The following KLF12 variants were observed in gnomAD, a reference collection of about 807,000 sequenced individuals.
KLF12 encodes Krueppel-like factor 12.
KLF12 carries 9 observed loss-of-function variants against 37.8 expected under a neutral mutation model. The ratio of observed to expected loss-of-function variants is 0.24; its 90% CI spans 0.14 to 0.42. The LOEUF (loss-of-function observed/expected upper bound fraction) is 0.42. Among genes scored for constraint, KLF12 ranks in the 10% least tolerant of loss-of-function variants. The pLI is 1.00. For missense variants in KLF12, 411 were observed against 516.0 expected, an observed-to-expected ratio of 0.80 and a Z score of 1.97; for synonymous variants, 208 against 202.1, an observed-to-expected ratio of 1.03 and a Z score of -0.25.
chr13:74,253,611 T>C, the KLF12 span, among the ~76,000 whole-genome samples: 1 of 152,332 alleles, frequency 6.6e-6, no homozygotes, highest in East Asian at 1.9e-4. Flanking sequence ...TCCTACTCAT[T>C]TTTCAAAGAG....
At chr13:74,287,468 A>G in the KLF12 span, among the ~76,000 whole-genome samples, 1 of 151,674 alleles carries the variant, frequency 6.6e-6, no homozygotes, top group Non-Finnish European at 1.5e-5. Flanking sequence ...CTCGGAGGTG[A>G]AAGATGCTAC....
chr13:74,034,549 A>G (rs760929685), intron 1 of KLF12, among the ~76,000 whole-genome samples: 2 of 152,232 alleles, frequency 1.3e-5, no homozygotes, highest in Non-Finnish European at 2.9e-5. Context: ...CTTTTATTAT[A>G]AAAGTGTTTG....
intron 3 of KLF12, among the ~76,000 whole-genome samples, chr13:73,937,150 A>G (rs1275222067): frequency 6.6e-6 from 1 of 151,982 alleles, no homozygotes; most frequent in Non-Finnish European, 1.5e-5. Flanking sequence ...AGATCGTGCC[A>G]CTGTACTCCA....
intron 3 of KLF12, among the ~76,000 whole-genome samples, chr13:73,854,750 T>A (rs1423720557): frequency 6.6e-6 from 1 of 152,188 alleles, no homozygotes; most frequent in African/African-American, 2.4e-5. Flanking sequence ...TATCTCCACA[T>A]CACTTATAAC....
At chr13:74,000,236 G>A (rs561197070) in intron 1 of KLF12, among the ~76,000 whole-genome samples, 6 of 152,170 alleles carry the variant, frequency 3.9e-5, no homozygotes, top group Non-Finnish European at 7.4e-5. Flanking sequence ...AGCTATGTCC[G>A]AAACCTGATA....
intron 3 of KLF12, among the ~76,000 whole-genome samples, chr13:73,874,050 G>A (rs980952314): frequency 6.6e-6 from 1 of 152,190 alleles, no homozygotes; most frequent in Non-Finnish European, 1.5e-5. Flanking sequence ...GCAAGGTCGA[G>A]GACTGTTCAC....
intron 1 of KLF12, among the ~76,000 whole-genome samples, chr13:74,046,865 T>C (rs1222722028): frequency 6.6e-6 from 1 of 152,218 alleles, no homozygotes. Flanking sequence ...TACTATACCA[T>C]ATAAGACTTA....
At chr13:74,088,671 T>C (rs974629734) in intron 1 of KLF12, among the ~76,000 whole-genome samples, 1 of 152,174 alleles carries the variant, frequency 6.6e-6, no homozygotes, top group Non-Finnish European at 1.5e-5. Flanking sequence ...TTCTGAACAT[T>C]TGGGTTACTA....
chr13:73,708,008 T>G (rs1875081469), intron 7 of KLF12, among the ~76,000 whole-genome samples: 1 of 152,188 alleles, frequency 6.6e-6, no homozygotes, highest in South Asian at 2.1e-4. Context: ...AATAAACATG[T>G]AATAGTATTT....
intron 6 of KLF12, among the ~76,000 whole-genome samples, chr13:73,755,995 C>T (rs1478580551): frequency 1.3e-5 from 2 of 152,094 alleles, no homozygotes; most frequent in Admixed American, 1.3e-4. Flanking sequence ...TCTTTATCCG[C>T]TTGTTGACTG....
chr13:74,143,131 C>T, the KLF12 span, among the ~76,000 whole-genome samples: 5 of 151,000 alleles, frequency 3.3e-5, no homozygotes, highest in South Asian at 2.1e-4. Context: ...TCCTCCTCCT[C>T]GTCCTATTCC....
chr13:74,014,483 T>A (rs1374844578), intron 1 of KLF12, among the ~76,000 whole-genome samples: 1 of 152,190 alleles, frequency 6.6e-6, no homozygotes, highest in African/African-American at 2.4e-5. Context: ...ACTCAAATAT[T>A]GAACATGCGT....
the KLF12 span, among the ~76,000 whole-genome samples, chr13:74,293,726 G>A: frequency 6.6e-6 from 1 of 152,130 alleles, no homozygotes; most frequent in East Asian, 1.9e-4. Context: ...TTATAGCTTG[G>A]ATTTTGGCAG....
At chr13:74,086,899 T>C (rs532830839) in intron 1 of KLF12, among the ~76,000 whole-genome samples, 2 of 152,202 alleles carry the variant, frequency 1.3e-5, no homozygotes, top group African/African-American at 4.8e-5. Flanking sequence ...AAAGAAAATA[T>C]ATGTACTCTT....
At chr13:74,089,537 T>C (rs934067818) in intron 1 of KLF12, among the ~76,000 whole-genome samples, 13 of 152,108 alleles carry the variant, frequency 8.5e-5, no homozygotes, top group African/African-American at 3.1e-4. Flanking sequence ...ATTATATGGA[T>C]GCAGAAATCC....
At chr13:73,846,619 T>G (rs913052756) in intron 3 of KLF12, among the ~76,000 whole-genome samples, 2 of 152,148 alleles carry the variant, frequency 1.3e-5, no homozygotes, top group Non-Finnish European at 2.9e-5. Context: ...GATAGACAAT[T>G]ATTAAAATAC....
intron 1 of KLF12, among the ~76,000 whole-genome samples, chr13:74,076,798 C>T (rs759549039): frequency 2.0e-5 from 3 of 152,134 alleles, no homozygotes; most frequent in South Asian, 2.1e-4. Flanking sequence ...CCTCCTCCCA[C>T]CCTCCACCCT....
At chr13:73,908,295 G>A (rs865932117) in intron 3 of KLF12, among the ~76,000 whole-genome samples, 9 of 150,844 alleles carry the variant, frequency 6.0e-5, no homozygotes, top group African/African-American at 1.5e-4. Flanking sequence ...CAAGCTACTC[G>A]GGAGGCTGAG....
chr13:73,812,077 G>A (rs1594119521), intron 5 of KLF12, among the ~76,000 whole-genome samples: 1 of 152,116 alleles, frequency 6.6e-6, no homozygotes, highest in Non-Finnish European at 1.5e-5. Flanking sequence ...AGCAATAACA[G>A]TGGCTATTTA....
Sources: allele counts gnomAD v4.1 joint callset (sites outside exome capture counted in the v4.1 genomes callset), GRCh38; gene constraint gnomAD v4.1.1; transcripts MANE v1.5; gene names NCBI Gene and HGNC (gene_info 2026-07-23, HGNC 2026-07-21).